The following STK3 variants were observed in gnomAD, a reference collection of about 807,000 sequenced individuals.
STK3 encodes the protein serine/threonine-protein kinase 3.
STK3 carries 41 observed loss-of-function variants against 58.0 expected under a neutral mutation model. The ratio of observed to expected loss-of-function variants is 0.71; its 90% CI spans 0.55 to 0.92. The LOEUF (loss-of-function observed/expected upper bound fraction) is 0.92. STK3 is among the 40% of genes least tolerant of loss of function. The pLI is 0.00. For synonymous variants in STK3, 170 were observed against 191.0 expected (o/e 0.89, Z 0.91); for missense variants, 479 against 602.7 (o/e 0.79, Z 2.15).
chr8:98,814,054 T>G (rs921362424), intron 1 of STK3, among the ~76,000 whole-genome samples: 2 of 152,166 alleles, frequency 1.3e-5, no homozygotes, highest in African/African-American at 4.8e-5. Context: ...TTTAATTGAT[T>G]TTTTTCTTCT....
chr8:98,793,030 C>G (rs1832906696), intron 1 of STK3, among the ~76,000 whole-genome samples: 1 of 151,892 alleles, frequency 6.6e-6, no homozygotes, highest in African/African-American at 2.4e-5. Context: ...TTCACAGCAA[C>G]CTAGAGGAGA....
intron 1 of STK3, among the ~76,000 whole-genome samples, chr8:98,775,639 C>G (rs2131494077): frequency 6.6e-6 from 1 of 152,268 alleles, no homozygotes; most frequent in African/African-American, 2.4e-5. Flanking sequence ...GCTGGATAAA[C>G]TGGAAAGCAG....
chr8:98,611,943 A>T (rs574809841), intron 6 of STK3, among the ~76,000 whole-genome samples: 217 of 152,096 alleles, frequency 1.4e-3, no homozygotes, highest in Non-Finnish European at 2.5e-3. Context: ...CATAAATAGA[A>T]TGGGAGAAAC....
At chr8:98,518,671 A>T (rs553265604) in intron 10 of STK3, among the ~76,000 whole-genome samples, 1 of 152,262 alleles carries the variant, frequency 6.6e-6, no homozygotes, top group Admixed American at 6.5e-5. Flanking sequence ...AAAATTCTAC[A>T]TGGACCTAGA....
chr8:98,725,500 G>A (rs1041067968), intron 4 of STK3, among the ~76,000 whole-genome samples: 6 of 152,006 alleles, frequency 3.9e-5, no homozygotes, highest in Admixed American at 1.3e-4. Context: ...ATTATGCAAC[G>A]CAATTTTAGA....
intron 1 of STK3, among the ~76,000 whole-genome samples, chr8:98,441,536 G>T (rs1011734436): frequency 3.3e-5 from 5 of 152,240 alleles, no homozygotes; most frequent in African/African-American, 9.6e-5. Context: ...CTCGTTTCTG[G>T]CTCCAAACCC....
At chr8:98,665,201 A>G (rs1822245367) in intron 6 of STK3, among the ~76,000 whole-genome samples, 1 of 152,226 alleles carries the variant, frequency 6.6e-6, no homozygotes, top group Non-Finnish European at 1.5e-5. Flanking sequence ...TTTTTTACAG[A>G]TGATTACGTT....
upstream of STK3, among the ~76,000 whole-genome samples, chr8:98,390,234 C>T (rs567325953): frequency 6.6e-5 from 10 of 152,284 alleles, no homozygotes; most frequent in South Asian, 1.0e-3. Context: ...TCTTAGTTTT[C>T]TTTATTCTGA....
At chr8:98,496,662 A>C (rs1288674949) in intron 10 of STK3, among the ~76,000 whole-genome samples, 1 of 152,182 alleles carries the variant, frequency 6.6e-6, no homozygotes, top group Non-Finnish European at 1.5e-5. Context: ...AAAATTTGTC[A>C]CACTACAATA....
intron 2 of STK3, among the ~76,000 whole-genome samples, chr8:98,376,153 T>C (rs1428528963): frequency 1.3e-5 from 2 of 152,250 alleles, no homozygotes; most frequent in Non-Finnish European, 2.9e-5. Flanking sequence ...GGTTTTAATT[T>C]GTATTTCCCT....
intron 10 of STK3, among the ~76,000 whole-genome samples, chr8:98,521,326 A>G (rs1825346054): frequency 6.6e-6 from 1 of 151,906 alleles, no homozygotes; most frequent in Non-Finnish European, 1.5e-5. Flanking sequence ...TTTTTTTGGT[A>G]CTGTCACCAT....
chr8:98,583,904 A>G (rs1224930483), intron 7 of STK3, among the ~76,000 whole-genome samples: 1 of 151,338 alleles, frequency 6.6e-6, no homozygotes, highest in Non-Finnish European at 1.5e-5. Flanking sequence ...AAGAGAGAGA[A>G]GGTAACTTAG....
At chr8:98,363,529 A>C in the STK3 span, among the ~76,000 whole-genome samples, 20 of 152,200 alleles carry the variant, frequency 1.3e-4, no homozygotes, top group Non-Finnish European at 2.2e-4. Context: ...AAAGGGCTAG[A>C]TCAGATTAAA....
At chr8:98,628,599 C>G (rs1028019040) in intron 6 of STK3, among the ~76,000 whole-genome samples, 1 of 152,026 alleles carries the variant, frequency 6.6e-6, no homozygotes, top group African/African-American at 2.4e-5. Flanking sequence ...GAGTTAGAAA[C>G]TAGCCTGGGC....
chr8:98,493,164 C>A (rs114836480), intron 10 of STK3, among the ~76,000 whole-genome samples: 3,109 of 145,788 alleles, frequency 0.021, 75 homozygotes, highest in African/African-American at 0.059. Flanking sequence ...CCCAGGAGGT[C>A]GAAGCTGCAG....
At chr8:98,525,470 T>C (rs966056034) in intron 10 of STK3, among the ~76,000 whole-genome samples, 1 of 151,870 alleles carries the variant, frequency 6.6e-6, no homozygotes, top group Non-Finnish European at 1.5e-5. Context: ...ACAAGACAAC[T>C]CTTTGAGGCT....
At chr8:98,719,036 A>G (rs925265558) in intron 4 of STK3, among the ~76,000 whole-genome samples, 2 of 152,216 alleles carry the variant, frequency 1.3e-5, no homozygotes, top group Non-Finnish European at 2.9e-5. Context: ...ATACAAAAAG[A>G]AAGGAGACAC....
chr8:98,866,976 G>A (rs540320091), intron 3 of STK3, among the ~76,000 whole-genome samples: 4 of 152,132 alleles, frequency 2.6e-5, no homozygotes, highest in Non-Finnish European at 5.9e-5. Flanking sequence ...ACTGTTAACA[G>A]GTAACTCTCT....
chr8:98,578,137 A>G lies in STK3; in HGVS notation c.948+1527T>C, dbSNP rs149661019. On this transcript the variant is annotated intron_variant, in intron 8 of 10. Transcript: ENST00000419617. ...TGAAACCACAAGAAACAACTACAAAAATTTAACATTTAGAAACATTAACTG... is the reference window on the plus strand; with the variant it reads ...TGAAACCACAAGAAACAACTACAAAGATTTAACATTTAGAAACATTAACTG... 3.7e-4 allele frequency among the ~76,000 whole-genome samples: 56 copies of G among 152,286 alleles called. 1 individual carries two copies. The highest frequency in any genetic ancestry group is 1.3e-3 in the African/African-American group (55 of 41,572).
Sources: allele counts gnomAD v4.1 joint callset (sites outside exome capture counted in the v4.1 genomes callset), GRCh38; gene constraint gnomAD v4.1.1; transcripts MANE v1.5; gene names NCBI Gene and HGNC (gene_info 2026-07-23, HGNC 2026-07-21).